KIAA1217: variants seen among roughly 807,000 people sequenced by gnomAD.
The protein encoded by KIAA1217 is KIAA1217, also known as sickle tail protein homolog.
KIAA1217 carries 88 observed loss-of-function variants against 163.9 expected under a neutral mutation model. The observed-to-expected ratio is 0.54, with a 90% CI of 0.45 to 0.64. The LOEUF is 0.64. KIAA1217 is among the 30% of genes least tolerant of loss of function. The pLI, the probability that KIAA1217 is intolerant of heterozygous loss-of-function variation, is 0.00. For missense variants in KIAA1217, 2,372 were observed against 2,475.0 expected (o/e 0.96, Z 0.88); for synonymous variants, 903 against 923.1 (o/e 0.98, Z 0.39).
intron 1 of KIAA1217, among the ~76,000 whole-genome samples, chr10:23,737,963 A>T (rs547790071): frequency 6.6e-6 from 1 of 152,178 alleles, no homozygotes; most frequent in Admixed American, 6.5e-5. Flanking sequence ...TGATTTTTTT[A>T]TAATATTCAT....
chr10:24,224,496 T>C (rs1373689438), intron 2 of KIAA1217, among the ~76,000 whole-genome samples: 1 of 151,048 alleles, frequency 6.6e-6, no homozygotes, highest in East Asian at 2.0e-4. Context: ...TGCACCACCA[T>C]ACACCATACC....
At chr10:23,945,297 A>G (rs1004291691) in intron 1 of KIAA1217, among the ~76,000 whole-genome samples, 1 of 152,202 alleles carries the variant, frequency 6.6e-6, no homozygotes, top group African/African-American at 2.4e-5. Flanking sequence ...ACACAGCAAT[A>G]AAAGAGGTAA....
intron 2 of KIAA1217, among the ~76,000 whole-genome samples, chr10:24,090,349 T>TG (rs1289088297): frequency 7.5e-6 from 1 of 134,066 alleles, no homozygotes; most frequent in Non-Finnish European, 1.6e-5. Context: ...TTTTTTTTTT[T>TG]TTTTTTTTTT....
chr10:23,814,941 C>A (rs1341672569), intron 1 of KIAA1217, among the ~76,000 whole-genome samples: 3 of 152,088 alleles, frequency 2.0e-5, no homozygotes, highest in African/African-American at 7.2e-5. Context: ...AATTAAGTGA[C>A]CTTTCCAGGT....
chr10:23,993,392 T>A (rs1355881171), intron 1 of KIAA1217, among the ~76,000 whole-genome samples: 1 of 151,950 alleles, frequency 6.6e-6, no homozygotes, highest in Non-Finnish European at 1.5e-5. Flanking sequence ...CTTGAGGACT[T>A]TCATGGTCTT....
chr10:23,933,143 C>T (rs558340158), intron 1 of KIAA1217, among the ~76,000 whole-genome samples: 5 of 152,324 alleles, frequency 3.3e-5, no homozygotes, highest in African/African-American at 9.6e-5. Flanking sequence ...ATCTGCTAGG[C>T]GTTGTGGAGC....
chr10:24,090,625 G>A (rs1483024821), intron 2 of KIAA1217, among the ~76,000 whole-genome samples: 1 of 151,594 alleles, frequency 6.6e-6, no homozygotes, highest in Non-Finnish European at 1.5e-5. Flanking sequence ...ATTTCGAAGA[G>A]GAGAAGTGAT....
rs369558406 is a variant in KIAA1217, at chr10:24,121,336, A to G, written c.-170-98290A>G. Among the ~76,000 whole-genome samples, 16 of 152,338 alleles carry G rather than the reference A, an allele frequency of 1.1e-4. No homozygotes were observed. The East Asian group carries it at 2.5e-3, about 24-fold the overall frequency. On this transcript the variant is annotated intron_variant, in intron 2 of 18. Transcript: ENST00000376462. ...CTCTCCTCTGTGTTAACCTCTATGT[A>G]AAGTCTAACTTCACCCATGTCATGC...
In KIAA1217 at chr10:23,878,287, C is replaced by T. The variant is rs529464822; in HGVS notation, c.-320-128938C>T. On this transcript the variant is annotated intron_variant, in intron 1 of 18. Coordinates refer to the KIAA1217 transcript ENST00000376462. ...TAAAAAATTTCTACTATGAAGCCAG[C>T]GGACAGTATCAAAAAGTGGCATTCT... is the stretch of plus-strand genomic sequence containing the variant. Among the ~76,000 whole-genome samples, 173 of 151,962 alleles carry T rather than the reference C, an allele frequency of 1.1e-3. 1 individual carries two copies. Among genetic ancestry groups the T allele is most frequent in the African/African-American group, 3.4e-3 (142 of 41,492 alleles).
chr10:24,077,984 TGTC>T (rs2131644984), intron 2 of KIAA1217, among the ~76,000 whole-genome samples: 1 of 152,346 alleles, frequency 6.6e-6, no homozygotes, highest in Admixed American at 6.5e-5. Flanking sequence ...GCTGCATAAA[TGTC>T]TTCTTTTGAG....
At position 24,155,157 on chromosome 10, in the gene KIAA1217, A is replaced by G. The variant is rs192556200; in HGVS notation, c.-170-64469A>G. Among the ~76,000 whole-genome samples, 19 of 152,286 alleles carry G rather than the reference A, an allele frequency of 1.2e-4. 1 individual carries two copies. Among genetic ancestry groups the G allele is most frequent in the Non-Finnish European group, 1.9e-4 (13 of 68,036 alleles). On this transcript the variant is annotated intron_variant, in intron 2 of 18. Transcript: ENST00000376462. ...TGTTACGGTATATGTATTTTACCAC[A>G]ATAATTTTTTTAAACACTTAGTGCA...
intron 1 of KIAA1217, among the ~76,000 whole-genome samples, chr10:23,815,504 C>T (rs911063752): frequency 8.5e-5 from 13 of 152,118 alleles, no homozygotes; most frequent in South Asian, 4.2e-4. Flanking sequence ...ATTAGCTGGG[C>T]GTGGTGGCAG....
At chr10:24,057,013 T>G (rs894686380) in intron 2 of KIAA1217, among the ~76,000 whole-genome samples, 1 of 152,078 alleles carries the variant, frequency 6.6e-6, no homozygotes, top group Admixed American at 6.6e-5. Context: ...TTGGCTGGGC[T>G]TGGTGGCTCA....
chr10:24,051,076 C>T (rs1161289132), intron 2 of KIAA1217, among the ~76,000 whole-genome samples: 4 of 152,164 alleles, frequency 2.6e-5, no homozygotes, highest in Non-Finnish European at 5.9e-5. Context: ...TCACCCAACT[C>T]ATACCCTTCT....
At chr10:24,477,138 G>C (rs2064135463) in intron 6 of KIAA1217, among the ~76,000 whole-genome samples, 1 of 152,156 alleles carries the variant, frequency 6.6e-6, no homozygotes, top group Non-Finnish European at 1.5e-5. Context: ...CTCAGAATCT[G>C]GCCCTGAACT....
intron 1 of KIAA1217, among the ~76,000 whole-genome samples, chr10:23,897,757 A>G (rs1208017332): frequency 6.6e-6 from 1 of 152,066 alleles, no homozygotes; most frequent in Non-Finnish European, 1.5e-5. Context: ...TCACTGTTTC[A>G]TATGGAACCA....
chr10:23,824,681 A>G (rs184455429), intron 1 of KIAA1217, among the ~76,000 whole-genome samples: 1,578 of 136,616 alleles, frequency 0.012, 37 homozygotes, highest in African/African-American at 0.04. Context: ...ATATATATAT[A>G]TGTATATATG....
At chr10:24,334,938 C>T (rs138370889) in intron 2 of KIAA1217, among the ~76,000 whole-genome samples, 53 of 152,248 alleles carry the variant, frequency 3.5e-4, no homozygotes, top group African/African-American at 1.3e-3. Flanking sequence ...CTGTAAGCAT[C>T]TTCTTTTTAA....
chr10:24,015,717 T>C (rs1589236802), intron 2 of KIAA1217, among the ~76,000 whole-genome samples: 1 of 143,538 alleles, frequency 7.0e-6, no homozygotes, highest in East Asian at 2.1e-4. Context: ...ATTGTGCCAC[T>C]ACACTTCAGC....
Sources: allele counts gnomAD v4.1 joint callset (sites outside exome capture counted in the v4.1 genomes callset), GRCh38; gene constraint gnomAD v4.1.1; transcripts MANE v1.5; gene names NCBI Gene and HGNC (gene_info 2026-07-23, HGNC 2026-07-21).